The following RFXAP variants were observed in gnomAD, a reference collection of about 807,000 sequenced individuals.
RFXAP encodes regulatory factor X-associated protein.
RFXAP carries 21 observed loss-of-function variants against 25.7 expected under a neutral mutation model. That is an observed-to-expected ratio of 0.82 (90% CI 0.58 to 1.18). RFXAP has a LOEUF of 1.18. Among genes scored for constraint, RFXAP ranks in the 50% most tolerant of loss-of-function variants. The pLI, the probability that RFXAP is intolerant of heterozygous loss-of-function variation, is 0.00. For synonymous variants in RFXAP, 161 were observed against 152.2 expected (o/e 1.06, Z -0.43); for missense variants, 333 against 363.0 (o/e 0.92, Z 0.67).
rs1333037624 is a variant in RFXAP at position 36,819,247 on chromosome 13, T to C, written c.-111T>C. The C allele has an allele frequency of 4.0e-6, 4 of 1,009,868 alleles. No individual in the cohort carries two copies. The highest frequency in any genetic ancestry group is 1.7e-5 in the African/African-American group (1 of 58,874). 62.6% of individuals were successfully genotyped at this position (1,009,868 alleles called of 1,614,324 possible). A position where few individuals can be genotyped will look rare whatever the true frequency, so the allele number is the denominator to read the frequency against. ...AGGCGCAGTCGGGGCGCCTTCCCGGTATAGGCGCCTTTTACCCCAGCGTGT... is the reference window on the plus strand; with the variant it reads ...AGGCGCAGTCGGGGCGCCTTCCCGGCATAGGCGCCTTTTACCCCAGCGTGT... On this transcript the variant is annotated 5_prime_UTR_variant, in exon 1 of 3. Transcript: ENST00000255476.
In RFXAP at chr13:36,819,549, C is replaced by G. The variant is rs758076793; in HGVS notation, c.192C>G (p.Ser64Arg). 48 of 1,524,544 alleles carry G rather than the reference C, an allele frequency of 3.1e-5. No individual in the cohort carries two copies. The Admixed American group carries it at 4.1e-4, about 13-fold the overall frequency. The allele number at this position is 1,524,544 out of a possible 1,614,324, so 94.4% of individuals were successfully genotyped here. Residue 64 changes from serine to arginine, a missense_variant, in exon 1 of 3, where the codon AGC (serine) becomes AGG (arginine). Coordinates refer to ENST00000255476, the MANE Select transcript of RFXAP (RefSeq NM_000538.4). ...ACGAGGCTGCGGCCCCCGGGGGCAG[C>G]GTTGGGGCGGGCAAGCCCGTTAGGT... Reference protein sequence around the residue: ...GQDEAAAPGGSVGAGKPVRYL... With the variant: ...GQDEAAAPGGRVGAGKPVRYL...
In RFXAP at chr13:36,819,245, G is replaced by C; in HGVS notation, c.-113G>C. The C allele has an allele frequency of 9.3e-7, 1 of 1,077,656 alleles. No homozygotes were observed. Among genetic ancestry groups the C allele is most frequent in the Non-Finnish European group, 1.2e-6 (1 of 855,576 alleles). 66.8% of individuals were successfully genotyped at this position (1,077,656 alleles called of 1,614,324 possible). A position where few individuals can be genotyped will look rare whatever the true frequency, so the allele number is the denominator to read the frequency against. On this transcript the variant is annotated 5_prime_UTR_variant, in exon 1 of 3. Transcript: ENST00000255476. ...GCAGGCGCAGTCGGGGCGCCTTCCC[G>C]GTATAGGCGCCTTTTACCCCAGCGT...
intron 1 of RFXAP, among the ~76,000 whole-genome samples, chr13:36,821,447 GC>G (rs2057962485): frequency 6.6e-6 from 1 of 151,880 alleles, no homozygotes; most frequent in South Asian, 2.1e-4. Flanking sequence ...GATCGCTTGA[GC>G]CCGGAAGTTT....
intron 1 of RFXAP, among the ~76,000 whole-genome samples, chr13:36,820,486 C>G (rs769685899): frequency 6.6e-6 from 1 of 152,028 alleles, no homozygotes; most frequent in African/African-American, 2.4e-5. Context: ...AGTTGCCTGT[C>G]TGTAGTACCC....
Position 36,819,899 on chromosome 13 carries a change from A to G in RFXAP, c.542A>G (p.Gln181Arg). The G allele has an allele frequency of 6.2e-7, 1 of 1,613,722 alleles. No homozygotes were observed. Among genetic ancestry groups the G allele is most frequent in the Non-Finnish European group, 8.5e-7 (1 of 1,179,888 alleles). ...KDKYKKKKSD[Q>R]ALNCGGTAST... is the part of the protein sequence containing the mutation. The stretch of plus-strand genomic sequence containing the variant: ...AAGTATAAAAAGAAGAAGAGCGACC[A>G]GGCCCTGAACTGCGGTGGGACTGCC... The change falls in exon 1 of 3, where the codon CAG becomes CGG. Residue 181 changes from glutamine (Q) to arginine (R), a missense_variant. By Grantham distance (43) the Gln-to-Arg change is conservative (BLOSUM62 1). Transcript: ENST00000255476.
chr13:36,824,800 TG>T, intron 1 of RFXAP, among the ~76,000 whole-genome samples: 1 of 152,194 alleles, frequency 6.6e-6, no homozygotes, highest in East Asian at 1.9e-4. Flanking sequence ...TTACCTGTTT[TG>T]TTCATACAGT....
At chr13:36,823,358 A>T (rs1486405436) in intron 1 of RFXAP, among the ~76,000 whole-genome samples, 1 of 152,244 alleles carries the variant, frequency 6.6e-6, no homozygotes, top group Non-Finnish European at 1.5e-5. Context: ...TCTAGCTAAA[A>T]TAGTTGAGTG....
At chr13:36,826,448 A>G (rs927615621) in intron 2 of RFXAP, among the ~76,000 whole-genome samples, 1 of 152,212 alleles carries the variant, frequency 6.6e-6, no homozygotes, top group African/African-American at 2.4e-5. Context: ...ACTTTCATGA[A>G]ATGGACATTC....
chr13:36,821,155 T>C (rs534707866), intron 1 of RFXAP, among the ~76,000 whole-genome samples: 6 of 143,288 alleles, frequency 4.2e-5, no homozygotes, highest in African/African-American at 1.6e-4. Flanking sequence ...GAGGCTGCCG[T>C]GAGCCTTGTT....
rs1485745771 is a variant in RFXAP at position 36,828,741 on chromosome 13, T to A, written c.*988T>A. 3.3e-5 allele frequency: 5 copies of A among 152,246 alleles called. No individual in the cohort carries two copies. The highest frequency in any genetic ancestry group is 1.2e-4 in the African/African-American group (5 of 41,470). The allele number at this position is 152,246 out of a possible 1,614,324, so 9.4% of individuals were successfully genotyped here. A position where few individuals can be genotyped will look rare whatever the true frequency, so the allele number is the denominator to read the frequency against. On this transcript the variant is annotated 3_prime_UTR_variant, in exon 3 of 3. Transcript: ENST00000255476. Reference sequence around the variant, plus strand: ...CAATTGAGCTATCTGAAAACTGTTATTCCTAAGTAATGTTCAAAAATGATA... The same window carrying A: ...CAATTGAGCTATCTGAAAACTGTTAATCCTAAGTAATGTTCAAAAATGATA...
In RFXAP at chr13:36,819,540, CG is replaced by C. The variant is rs1388967331; in HGVS notation, c.188del (p.Gly63AlafsTer31). The C allele has an allele frequency of 1.3e-6, 2 of 1,522,256 alleles. No individual in the cohort carries two copies. The highest frequency in any genetic ancestry group is 1.7e-4 in the Middle Eastern group (1 of 5,802). 94.3% of individuals were successfully genotyped at this position (1,522,256 alleles called of 1,614,324 possible). A position where few individuals can be genotyped will look rare whatever the true frequency, so the allele number is the denominator to read the frequency against. On this transcript the variant is annotated frameshift_variant, in exon 1 of 3. Coordinates refer to ENST00000255476, the MANE Select transcript of RFXAP (RefSeq NM_000538.4). LOFTEE classifies it high-confidence loss of function. ...CTGGGCAGGACGAGGCTGCGGCCCC[CG>C]GGGGCAGCGTTGGGGCGGGCAAGCC... ...CAGQDEAAAP[G>X]GSVGAGKPVR... is the part of the protein sequence containing the mutation.
intron 1 of RFXAP, among the ~76,000 whole-genome samples, chr13:36,822,042 C>T (rs557269367): frequency 1.3e-5 from 2 of 151,950 alleles, no homozygotes; most frequent in East Asian, 3.9e-4. Flanking sequence ...CACAGGTGCC[C>T]ATTCACTTCA....
intron 2 of RFXAP, among the ~76,000 whole-genome samples, chr13:36,827,043 A>G (rs372892439): frequency 1.5e-4 from 23 of 152,282 alleles, no homozygotes; most frequent in Admixed American, 9.2e-4. Context: ...TATTACAACT[A>G]TATTTTAAAG....
chr13:36,827,002 T>C (rs940741090), intron 2 of RFXAP, among the ~76,000 whole-genome samples: 1 of 152,164 alleles, frequency 6.6e-6, no homozygotes, highest in African/African-American at 2.4e-5. Flanking sequence ...AATAATAATA[T>C]GTTAATCATA....
chr13:36,824,449 G>A (rs1026228960), intron 1 of RFXAP, among the ~76,000 whole-genome samples: 1 of 152,088 alleles, frequency 6.6e-6, no homozygotes, highest in Non-Finnish European at 1.5e-5. Flanking sequence ...TATTCTCATA[G>A]ATAACTCAGA....
intron 1 of RFXAP, among the ~76,000 whole-genome samples, chr13:36,821,372 T>C (rs2057962158): frequency 6.6e-6 from 1 of 152,110 alleles, no homozygotes; most frequent in African/African-American, 2.4e-5. Flanking sequence ...ACAAATGTAA[T>C]GTTCTAGGCC....
intron 2 of RFXAP, among the ~76,000 whole-genome samples, chr13:36,827,144 ATATATACACACC>A (rs1180786763): frequency 1.3e-5 from 2 of 152,094 alleles, no homozygotes; most frequent in African/African-American, 4.8e-5. Flanking sequence ...GTACATATAT[ATATATACACACC>A]TATACACACA....
In RFXAP at chr13:36,819,280, C is replaced by T. The variant is rs910779373; in HGVS notation, c.-78C>T. The T allele has an allele frequency of 4.9e-5, 59 of 1,209,824 alleles. No individual in the cohort carries two copies. The highest frequency in any genetic ancestry group is 5.8e-5 in the Non-Finnish European group (56 of 970,262). 74.9% of individuals were successfully genotyped at this position (1,209,824 alleles called of 1,614,324 possible). A position where few individuals can be genotyped will look rare whatever the true frequency, so the allele number is the denominator to read the frequency against. On this transcript the variant is annotated 5_prime_UTR_variant, in exon 1 of 3. Coordinates refer to ENST00000255476, the MANE Select transcript of RFXAP (RefSeq NM_000538.4). ...CCTTTTACCCCAGCGTGTCCTGAGT[C>T]TTTGGTTCGCGAAGTGCCGTTAGGC...
rs1412963961 is a variant in RFXAP at position 36,819,924 on chromosome 13, C to G, written c.567C>G (p.Ala189=). Residue 189 remains alanine (A), a synonymous_variant, in exon 1 of 3, where the codon GCC becomes GCG. Coordinates refer to ENST00000255476, the MANE Select transcript of RFXAP (RefSeq NM_000538.4). Reference sequence around the variant, plus strand: ...AGGCCCTGAACTGCGGTGGGACTGCCTCGACTGGCAGCGCGGGAAACGTCA... The same window carrying G: ...AGGCCCTGAACTGCGGTGGGACTGCGTCGACTGGCAGCGCGGGAAACGTCA... ...SDQALNCGGT[A]STGSAGNVKL... 1 of 1,613,862 alleles carries G rather than the reference C, an allele frequency of 6.2e-7. No individual in the cohort carries two copies. The highest frequency in any genetic ancestry group is 8.5e-7 in the Non-Finnish European group (1 of 1,179,938).
Sources: gnomAD v4.1 joint callset for allele counts (sites outside exome capture counted in the v4.1 genomes callset) on GRCh38, gnomAD v4.1.1 for gene constraint, MANE v1.5 for transcripts, NCBI Gene and HGNC (gene_info 2026-07-23, HGNC 2026-07-21) for gene names.